Variants in CPNE4 observed in about 807,000 individuals in gnomAD.
CPNE4 encodes the protein copine-4.
A neutral mutation model predicts 67.9 loss-of-function variants in CPNE4; 25 were observed. That is an observed-to-expected ratio of 0.37 (90% CI 0.27 to 0.51). The LOEUF is 0.51. CPNE4 is among the 20% of genes least tolerant of loss of function. The probability of loss-of-function intolerance (pLI) is 0.93; values close to 1 mark genes in which losing one functional copy is unlikely to be tolerated. For missense variants in CPNE4, 464 were observed against 690.8 expected (o/e 0.67, Z 3.68); for synonymous variants, 242 against 244.9 (o/e 0.99, Z 0.11).
At position 131,534,386 on chromosome 3, in the gene CPNE4, C is replaced by T. The variant is rs546571551; in HGVS notation, c.*809G>A. On this transcript the variant is annotated 3_prime_UTR_variant, in exon 16 of 16. Transcript: ENST00000429747. ...CCATTCTCAAGCAGACTAGAAGCCA[C>T]GCTGTTTTTGATGGTCTCCATCATG... 8 of 152,272 alleles carry T rather than the reference C, an allele frequency of 5.3e-5. No individual in the cohort carries two copies. Among genetic ancestry groups the T allele is most frequent in the South Asian group, 2.1e-4 (1 of 4,818 alleles). The allele number at this position is 152,272 out of a possible 1,614,324, so 9.4% of individuals were successfully genotyped here. A position where few individuals can be genotyped will look rare whatever the true frequency, so the allele number is the denominator to read the frequency against.
chr3:131,576,834 G>T (rs1427209586), intron 9 of CPNE4, among the ~76,000 whole-genome samples: 2 of 152,086 alleles, frequency 1.3e-5, no homozygotes, highest in African/African-American at 4.8e-5. Flanking sequence ...AAAACCATGT[G>T]AGTGGTTTCT....
At chr3:131,888,417 C>A (rs961380026) in intron 2 of CPNE4, among the ~76,000 whole-genome samples, 1 of 149,476 alleles carries the variant, frequency 6.7e-6, no homozygotes, top group African/African-American at 2.4e-5. Flanking sequence ...AAAAAAAAGT[C>A]TCTAGGACTA....
chr3:131,717,866 T>C (rs1320499258), intron 3 of CPNE4, among the ~76,000 whole-genome samples: 16 of 1,684 alleles, frequency 9.5e-3, no homozygotes, highest in African/African-American at 0.02. Context: ...CCCTCCTTTC[T>C]TTCTTTCTTT....
At chr3:131,795,034 G>A (rs895511603) in intron 2 of CPNE4, among the ~76,000 whole-genome samples, 2 of 152,196 alleles carry the variant, frequency 1.3e-5, no homozygotes, top group African/African-American at 4.8e-5. Flanking sequence ...TTGGTTAGTT[G>A]TTTATTGCTT....
At chr3:131,938,323 C>T (rs1470703990) in intron 1 of CPNE4, among the ~76,000 whole-genome samples, 1 of 151,576 alleles carries the variant, frequency 6.6e-6, no homozygotes, top group Non-Finnish European at 1.5e-5. Context: ...TACCACTGCA[C>T]TCCAGCCTGC....
At chr3:131,690,731 T>TAAA (rs34676188) in intron 5 of CPNE4, among the ~76,000 whole-genome samples, 3,038 of 150,006 alleles carry the variant, frequency 0.02, 48 homozygotes, top group Non-Finnish European at 0.035. Flanking sequence ...TCTGCACAGT[T>TAAA]AAAAAAAAAA....
At chr3:131,599,922 C>G (rs1465444070) in intron 7 of CPNE4, among the ~76,000 whole-genome samples, 2 of 152,068 alleles carry the variant, frequency 1.3e-5, no homozygotes, top group African/African-American at 4.8e-5. Flanking sequence ...GTGTCTTTTC[C>G]CCAAACAGCA....
intron 2 of CPNE4, among the ~76,000 whole-genome samples, chr3:131,739,368 C>T (rs2082308856): frequency 6.6e-6 from 1 of 152,212 alleles, no homozygotes; most frequent in Non-Finnish European, 1.5e-5. Context: ...TTCTTGCTCA[C>T]AGAGAAAAGG....
At chr3:131,956,074 A>G (rs1177863729) in intron 1 of CPNE4, among the ~76,000 whole-genome samples, 1 of 149,830 alleles carries the variant, frequency 6.7e-6, no homozygotes, top group African/African-American at 2.4e-5. Context: ...TTCCTGAAAT[A>G]AATTCTTCTC....
At chr3:131,687,079 A>G (rs752596691) in intron 5 of CPNE4, among the ~76,000 whole-genome samples, 2 of 152,142 alleles carry the variant, frequency 1.3e-5, no homozygotes, top group Non-Finnish European at 2.9e-5. Context: ...AAGCACCTCC[A>G]TGGGTTTCTC....
chr3:131,675,441 C>G (rs111723505), intron 6 of CPNE4, among the ~76,000 whole-genome samples: 3,536 of 152,178 alleles, frequency 0.023, 146 homozygotes, highest in African/African-American at 0.08. Context: ...GTATTGAGGT[C>G]TATCTCTCTC....
intron 1 of CPNE4, among the ~76,000 whole-genome samples, chr3:131,940,764 C>T (rs2071361758): frequency 6.6e-6 from 1 of 152,060 alleles, no homozygotes; most frequent in Non-Finnish European, 1.5e-5. Context: ...ATAACAGGCA[C>T]AGAGGTTTTG....
intron 7 of CPNE4, among the ~76,000 whole-genome samples, chr3:131,616,228 G>C (rs1281552760): frequency 1.3e-5 from 2 of 151,590 alleles, no homozygotes; most frequent in Admixed American, 1.3e-4. Flanking sequence ...GTGGGAGTAG[G>C]AGCAAGAGAA....
intron 2 of CPNE4, among the ~76,000 whole-genome samples, chr3:131,874,151 C>G (rs565984704): frequency 6.6e-5 from 10 of 151,532 alleles, no homozygotes; most frequent in Admixed American, 5.9e-4. Context: ...TGCAGTGGCG[C>G]AATCTCGGCT....
At chr3:131,977,985 T>A (rs2072713928) in intron 1 of CPNE4, among the ~76,000 whole-genome samples, 1 of 143,508 alleles carries the variant, frequency 7.0e-6, no homozygotes, top group Non-Finnish European at 1.5e-5. Flanking sequence ...TTTAATCTCA[T>A]CCAGGTCACT....
chr3:131,844,155 A>G (rs919060868), intron 2 of CPNE4, among the ~76,000 whole-genome samples: 3 of 152,198 alleles, frequency 2.0e-5, no homozygotes, highest in South Asian at 4.1e-4. Flanking sequence ...GTTACAGCAT[A>G]CACAAATGTC....
At chr3:131,786,313 T>A (rs2083561883) in intron 2 of CPNE4, among the ~76,000 whole-genome samples, 1 of 152,130 alleles carries the variant, frequency 6.6e-6, no homozygotes, top group South Asian at 2.1e-4. Context: ...ATATGTCAGA[T>A]GAGTTTGCCA....
chr3:131,620,278 A>C (rs1940393064), intron 7 of CPNE4, among the ~76,000 whole-genome samples: 2 of 152,248 alleles, frequency 1.3e-5, no homozygotes, highest in Admixed American at 6.5e-5. Context: ...AATTTAAAAA[A>C]TAATGATGAT....
At chr3:131,872,487 G>A (rs953993686) in intron 2 of CPNE4, among the ~76,000 whole-genome samples, 4 of 152,158 alleles carry the variant, frequency 2.6e-5, no homozygotes, top group African/African-American at 7.2e-5. Flanking sequence ...GGGTCAGCCT[G>A]TTTGTTCTAC....
Sources: allele counts gnomAD v4.1 joint callset (sites outside exome capture counted in the v4.1 genomes callset), GRCh38; gene constraint gnomAD v4.1.1; transcripts MANE v1.5; gene names NCBI Gene and HGNC (gene_info 2026-07-23, HGNC 2026-07-21).